The following PTPRT variants were observed in gnomAD, a reference collection of about 807,000 sequenced individuals.
The protein encoded by PTPRT is protein tyrosine phosphatase receptor type T.
Under a neutral mutation model 176.8 loss-of-function variants are expected in PTPRT, and 56 were observed. The observed-to-expected ratio is 0.32, with a 90% confidence interval of 0.26 to 0.40. PTPRT has a LOEUF of 0.40. Among genes scored for constraint, PTPRT ranks in the 10% least tolerant of loss-of-function variants. PTPRT has a pLI of 1.00. For missense variants in PTPRT, 1,540 were observed against 1,908.2 expected (o/e 0.81, Z 3.60); for synonymous variants, 783 against 739.0 (o/e 1.06, Z -0.96).
intron 1 of PTPRT, among the ~76,000 whole-genome samples, chr20:42,983,667 G>C (rs972383542): frequency 2.6e-5 from 4 of 152,248 alleles, no homozygotes; most frequent in African/African-American, 9.6e-5. Context: ...GGTGTGGCCA[G>C]AGGCCCTGCC....
At chr20:42,590,033 A>G (rs1219915357) in intron 7 of PTPRT, among the ~76,000 whole-genome samples, 5 of 152,136 alleles carry the variant, frequency 3.3e-5, no homozygotes, top group East Asian at 1.9e-4. Flanking sequence ...ACAGGCTTCT[A>G]TGTGACTTCT....
intron 6 of PTPRT, among the ~76,000 whole-genome samples, chr20:42,718,664 A>G (rs1263940425): frequency 6.6e-6 from 1 of 152,208 alleles, no homozygotes; most frequent in African/African-American, 2.4e-5. Flanking sequence ...AAATTCAAAA[A>G]CAGGGAAAAT....
At chr20:42,713,287 C>G (rs1022608763) in intron 6 of PTPRT, among the ~76,000 whole-genome samples, 1 of 151,836 alleles carries the variant, frequency 6.6e-6, no homozygotes, top group Non-Finnish European at 1.5e-5. Flanking sequence ...TTTTTTGAAC[C>G]ACATAAATAT....
At chr20:42,252,635 C>A (rs1315464112) in intron 13 of PTPRT, among the ~76,000 whole-genome samples, 2 of 152,170 alleles carry the variant, frequency 1.3e-5, no homozygotes, top group East Asian at 3.8e-4. Flanking sequence ...AGTCCACACA[C>A]AAAGGAAAGT....
chr20:42,796,500 A>T (rs1180967186), intron 2 of PTPRT, among the ~76,000 whole-genome samples: 1 of 152,232 alleles, frequency 6.6e-6, no homozygotes. Flanking sequence ...GCCAAGGTCA[A>T]CCAACACAAT....
intron 1 of PTPRT, among the ~76,000 whole-genome samples, chr20:42,994,379 A>G (rs975286690): frequency 1.3e-5 from 2 of 152,114 alleles, no homozygotes; most frequent in East Asian, 1.9e-4. Context: ...CACAAAACCT[A>G]TTTTGAAATG....
At chr20:42,749,212 G>C (rs2076734713) in intron 6 of PTPRT, among the ~76,000 whole-genome samples, 1 of 152,104 alleles carries the variant, frequency 6.6e-6, no homozygotes, top group African/African-American at 2.4e-5. Flanking sequence ...GACTACTACA[G>C]GATGAAGCCC....
chr20:42,105,224 G>A (rs930437544), intron 24 of PTPRT, among the ~76,000 whole-genome samples: 1 of 152,202 alleles, frequency 6.6e-6, no homozygotes, highest in Admixed American at 6.5e-5. Flanking sequence ...TTGGGTTCCA[G>A]TTGTCTACAG....
chr20:42,176,293 C>A lies in PTPRT; in HGVS notation c.2492-14751G>T, dbSNP rs114076067. Among the ~76,000 whole-genome samples, 701 of 152,274 alleles carry A rather than the reference C, an allele frequency of 4.6e-3. 7 individuals carry two copies. The highest frequency in any genetic ancestry group is 0.016 in the African/African-American group (666 of 41,534). ...ATTCTTTTGGTGAGGATATCATGAT[C>A]TCTATTTCCTGCCTCAGTTCCATTT... On this transcript the variant is annotated intron_variant, in intron 16 of 30. Coordinates refer to ENST00000373187, the MANE Select transcript of PTPRT (RefSeq NM_007050.6).
intron 7 of PTPRT, among the ~76,000 whole-genome samples, chr20:42,662,530 T>C (rs2075241889): frequency 6.6e-6 from 1 of 152,150 alleles, no homozygotes; most frequent in African/African-American, 2.4e-5. Context: ...GGGTAAGCCT[T>C]GCAGAGCATT....
At chr20:42,175,270 A>G (rs896405111) in intron 16 of PTPRT, among the ~76,000 whole-genome samples, 3 of 152,200 alleles carry the variant, frequency 2.0e-5, no homozygotes, top group Admixed American at 2.0e-4. Context: ...CACCAATCTC[A>G]TTTGCCTCAT....
chr20:42,730,874 C>A (rs1307996969), intron 6 of PTPRT, among the ~76,000 whole-genome samples: 1 of 152,164 alleles, frequency 6.6e-6, no homozygotes, highest in Non-Finnish European at 1.5e-5. Context: ...TTGACTGATC[C>A]CTCGGTTGTA....
chr20:42,371,090 TTTGCACAACTTGCAGGAGCA>T (rs1285601128), intron 9 of PTPRT, among the ~76,000 whole-genome samples: 1 of 152,216 alleles, frequency 6.6e-6, no homozygotes. Context: ...GAACCATGAT[TTTGCACAACTTGCAGGAGCA>T]TTGTTCACAC....
At chr20:42,363,659 G>A (rs1290354671) in intron 9 of PTPRT, among the ~76,000 whole-genome samples, 1 of 152,030 alleles carries the variant, frequency 6.6e-6, no homozygotes, top group East Asian at 1.9e-4. Context: ...CCACTCACTA[G>A]TTGCCAGGTG....
chr20:42,128,066 T>C (rs1381101005), intron 19 of PTPRT, among the ~76,000 whole-genome samples: 1 of 152,234 alleles, frequency 6.6e-6, no homozygotes, highest in East Asian at 1.9e-4. Flanking sequence ...ATTATTCCTG[T>C]TACATATTCT....
chr20:42,382,491 G>A (rs181976373), intron 9 of PTPRT, among the ~76,000 whole-genome samples: 105 of 152,150 alleles, frequency 6.9e-4, no homozygotes, highest in Non-Finnish European at 6.0e-4. Flanking sequence ...AGGTGTTCAT[G>A]GACAAGACAG....
intron 13 of PTPRT, among the ~76,000 whole-genome samples, chr20:42,249,918 T>C (rs1600727855): frequency 6.6e-6 from 1 of 152,194 alleles, no homozygotes; most frequent in East Asian, 1.9e-4. Context: ...CTTCTATTTA[T>C]ATTCCTATTG....
chr20:42,465,828 T>G (rs985518439), intron 8 of PTPRT, among the ~76,000 whole-genome samples: 1 of 152,212 alleles, frequency 6.6e-6, no homozygotes, highest in Non-Finnish European at 1.5e-5. Flanking sequence ...GTTTGTTACA[T>G]AGGTAAATGC....
At position 42,086,726 on chromosome 20, in the gene PTPRT, CAAAAAAAAAAAA is replaced by C. The variant is rs367948746; in HGVS notation, c.3847-885_3847-874del. 3.0e-4 allele frequency among the ~76,000 whole-genome samples: 25 copies of C among 82,196 alleles called. 2 individuals are homozygous for C. Among genetic ancestry groups the C allele is most frequent in the South Asian group, 1.4e-3 (3 of 2,104 alleles). The allele number at this position is 82,196 out of a possible 152,430, so 53.9% of individuals were successfully genotyped here. A position where few individuals can be genotyped will look rare whatever the true frequency, so the allele number is the denominator to read the frequency against. On this transcript the variant is annotated intron_variant, in intron 27 of 30. Transcript: ENST00000373187. ...TGGGTGACACAGCGAGACTCCATCT[CAAAAAAAAAAAA>C]AAAAAAAAAAAAAAAATATATATAT...
Sources: gnomAD v4.1 joint callset for allele counts (sites outside exome capture counted in the v4.1 genomes callset) on GRCh38, gnomAD v4.1.1 for gene constraint, MANE v1.5 for transcripts, NCBI Gene and HGNC (gene_info 2026-07-23, HGNC 2026-07-21) for gene names.